Variants in TAFA5 observed in about 807,000 individuals in gnomAD.
The protein encoded by TAFA5 is TAFA chemokine like family member 5, also known as chemokine-like protein TAFA-5.
In TAFA5, 6 loss-of-function variants were observed where a neutral mutation model predicts 15.3. The ratio of observed to expected loss-of-function variants is 0.39; its 90% CI spans 0.21 to 0.77. The LOEUF (loss-of-function observed/expected upper bound fraction) is 0.77. TAFA5 is among the 30% of genes least tolerant of loss of function. The probability of loss-of-function intolerance (pLI) is 0.41; values close to 1 mark genes in which losing one functional copy is unlikely to be tolerated. For synonymous variants in TAFA5, 103 were observed against 80.7 expected (o/e 1.28, Z -1.48); for missense variants, 161 against 193.1 (o/e 0.83, Z 0.98).
intron 1 of TAFA5, among the ~76,000 whole-genome samples, chr22:48,506,569 G>C (rs879279390): frequency 3.9e-5 from 6 of 152,204 alleles, no homozygotes; most frequent in Non-Finnish European, 7.3e-5. Flanking sequence ...TCGTGTGTCT[G>C]TGCCACCGTT....
chr22:48,700,501 A>G (rs941603083), intron 2 of TAFA5, among the ~76,000 whole-genome samples: 4 of 152,176 alleles, frequency 2.6e-5, no homozygotes, highest in African/African-American at 9.7e-5. Flanking sequence ...CAAAGCCAGT[A>G]GAGTCTTAAG....
At chr22:48,739,515 G>A (rs538587556) in intron 3 of TAFA5, among the ~76,000 whole-genome samples, 25 of 152,214 alleles carry the variant, frequency 1.6e-4, no homozygotes, top group South Asian at 4.2e-4. Context: ...TGGTTAGGGC[G>A]GTCTCCTGCC....
intron 1 of TAFA5, chr22:48,576,295 CCCCTG>C: frequency 8.7e-7 from 1 of 1,145,396 alleles, no homozygotes; most frequent in Non-Finnish European, 1.1e-6. Context: ...GCTCCCCTCC[CCCCTG>C]CCCAGAAAGA....
intron 2 of TAFA5, among the ~76,000 whole-genome samples, chr22:48,680,103 G>A (rs1306817756): frequency 1.3e-5 from 2 of 152,258 alleles, no homozygotes; most frequent in Non-Finnish European, 1.5e-5. Flanking sequence ...CCCGGTGGGT[G>A]TGGATGGGTG....
At chr22:48,707,573 C>A in intron 2 of TAFA5, 144 bp from the exon 3 acceptor site, 2 of 911,884 alleles carry the variant, frequency 2.2e-6, no homozygotes, top group Non-Finnish European at 3.3e-6. Flanking sequence ...GGCCCAGTGT[C>A]CCTGTGTGAG....
chr22:48,610,299 G>A (rs369229212), intron 1 of TAFA5, among the ~76,000 whole-genome samples: 7 of 152,228 alleles, frequency 4.6e-5, no homozygotes, highest in East Asian at 1.9e-4. Flanking sequence ...AGTCTTGCCC[G>A]TTGCTCGTGA....
chr22:48,540,618 T>A (rs9615918), intron 1 of TAFA5, among the ~76,000 whole-genome samples: 85,145 of 149,240 alleles, frequency 0.57, 26,409 homozygotes, highest in Middle Eastern at 0.73. Flanking sequence ...TTGCCTCAAA[T>A]GCATCTTTTG....
chr22:48,536,358 G>A (rs1432128858), intron 1 of TAFA5, among the ~76,000 whole-genome samples: 3 of 152,212 alleles, frequency 2.0e-5, no homozygotes, highest in Non-Finnish European at 4.4e-5. Flanking sequence ...TCCTTTGTCC[G>A]CCAACAAGTT....
At chr22:48,565,724 G>C (rs1009682838) in intron 1 of TAFA5, among the ~76,000 whole-genome samples, 3 of 152,254 alleles carry the variant, frequency 2.0e-5, no homozygotes, top group Admixed American at 1.3e-4. Context: ...GAACACACAT[G>C]CTGGCTTCAG....
intron 1 of TAFA5, among the ~76,000 whole-genome samples, chr22:48,537,224 C>T (rs1490512421): frequency 8.7e-6 from 1 of 115,176 alleles, no homozygotes; most frequent in Non-Finnish European, 1.8e-5. Flanking sequence ...CAGGGTGGGG[C>T]AGGGGAGGCC....
chr22:48,576,675 C>A (rs1440169774), intron 1 of TAFA5: 2 of 1,205,836 alleles, frequency 1.7e-6, no homozygotes, highest in South Asian at 7.3e-5. Flanking sequence ...CCGCCGCGCT[C>A]GGCTGAGGCT....
chr22:48,717,223 C>T (rs549986759), intron 3 of TAFA5, among the ~76,000 whole-genome samples: 76 of 152,358 alleles, frequency 5.0e-4, no homozygotes, highest in Non-Finnish European at 7.8e-4. Flanking sequence ...CTCAGCAGAT[C>T]GCCGAAGCCG....
chr22:48,500,779 G>A (rs978905665), intron 1 of TAFA5, among the ~76,000 whole-genome samples: 5 of 152,176 alleles, frequency 3.3e-5, no homozygotes, highest in East Asian at 1.9e-4. Flanking sequence ...TCGCCGCCTC[G>A]GGTTCCTGGA....
At chr22:48,562,687 C>G (rs1334851942) in intron 1 of TAFA5, among the ~76,000 whole-genome samples, 1 of 152,210 alleles carries the variant, frequency 6.6e-6, no homozygotes, top group African/African-American at 2.4e-5. Context: ...CCTTCCACCC[C>G]TCCTAGGCCA....
rs77222668 is a variant in TAFA5, at chr22:48,559,554, C to T, written c.112+69850C>T. 0.016 allele frequency among the ~76,000 whole-genome samples: 2,456 copies of T among 152,222 alleles called. 97 individuals are homozygous for T. In the East Asian group the frequency reaches 0.17, roughly 10 times the overall value. On this transcript the variant is annotated intron_variant, in intron 1 of 3. Transcript: ENST00000402357. ...ATGGAGGAAGGTGGGCCCCTTCCCC[C>T]CTGGTCTCCACGTCCCCAAGGCTTC...
At chr22:48,723,670 T>C (rs921725716) in intron 3 of TAFA5, among the ~76,000 whole-genome samples, 1 of 152,194 alleles carries the variant, frequency 6.6e-6, no homozygotes, top group Non-Finnish European at 1.5e-5. Context: ...TGGGAGACCT[T>C]GTGGAAGTCA....
rs576080954 is a variant in TAFA5 at position 48,539,645 on chromosome 22, C to T, written c.112+49941C>T. Among the ~76,000 whole-genome samples the T allele has an allele frequency of 1.2e-4, 19 of 152,248 alleles. 1 individual carries two copies. Among genetic ancestry groups the T allele is most frequent in the Admixed American group, 5.9e-4 (9 of 15,304 alleles). On this transcript the variant is annotated intron_variant, in intron 1 of 3. Coordinates refer to ENST00000402357, the MANE Select transcript of TAFA5 (RefSeq NM_001082967.3). ...GAGCTACAGCCAGGTCGGTGCCACC[C>T]GACAGGGCCTGCCCACGGGAACAGA...
At chr22:48,511,150 A>G (rs959389636) in intron 1 of TAFA5, among the ~76,000 whole-genome samples, 1 of 152,198 alleles carries the variant, frequency 6.6e-6, no homozygotes, top group African/African-American at 2.4e-5. Context: ...GCCCTGGAGG[A>G]GGCCGCTGGG....
chr22:48,525,380 C>A (rs914584341), intron 1 of TAFA5, among the ~76,000 whole-genome samples: 2 of 152,218 alleles, frequency 1.3e-5, no homozygotes, highest in African/African-American at 2.4e-5. Flanking sequence ...ACCCCACCCT[C>A]ACCCCGACAG....
Sources: allele counts gnomAD v4.1 joint callset (sites outside exome capture counted in the v4.1 genomes callset), GRCh38; gene constraint gnomAD v4.1.1; transcripts MANE v1.5; gene names NCBI Gene and HGNC (gene_info 2026-07-23, HGNC 2026-07-21).